The following PLN variants were observed in gnomAD, a reference collection of about 807,000 sequenced individuals.
PLN encodes cardiac phospholamban.
In PLN, 1 loss-of-function variant was observed where a neutral mutation model predicts 3.9. The ratio of observed to expected loss-of-function variants is 0.26; its 90% CI spans 0.09 to 1.23. PLN has a LOEUF of 1.23. PLN is among the 50% of genes most tolerant of loss of function. The pLI is 0.48. For synonymous variants in PLN, 21 were observed against 20.5 expected, an observed-to-expected ratio of 1.02 and a Z score of -0.07; for missense variants, 59 against 62.7, an observed-to-expected ratio of 0.94 and a Z score of 0.20.
At chr6:118,557,258 A>C (rs1252788098) in intron 1 of PLN, among the ~76,000 whole-genome samples, 1 of 152,208 alleles carries the variant, frequency 6.6e-6, no homozygotes, top group Non-Finnish European at 1.5e-5. Context: ...AATTTGTTGT[A>C]TGCATTTCCT....
Position 118,558,626 on chromosome 6 carries a change from T to TACACAC in PLN, c.-97-169_-97-164dup, listed in dbSNP as rs371775061. On this transcript the variant is annotated intron_variant, in intron 1 of 1. Transcript: ENST00000357525. The stretch of plus-strand genomic sequence containing the variant: ...ACAGACACATAGAAACACGTGCACA[T>TACACAC]ACACACACACACACACACACACACA... 0.16 allele frequency among the ~76,000 whole-genome samples: 18,014 copies of TACACAC among 110,868 alleles called. 1,584 individuals are homozygous for TACACAC. Among genetic ancestry groups the TACACAC allele is most frequent in the Non-Finnish European group, 0.23 (12,005 of 52,474 alleles). 72.7% of individuals were successfully genotyped at this position (110,868 alleles called of 152,430 possible). A position where few individuals can be genotyped will look rare whatever the true frequency, so the allele number is the denominator to read the frequency against.
intron 1 of PLN, among the ~76,000 whole-genome samples, 189 bp from the exon 2 acceptor site, chr6:118,558,636 C>CACACAG (rs1779025715): frequency 1.0e-5 from 1 of 96,378 alleles, no homozygotes; most frequent in Non-Finnish European, 2.3e-5. Context: ...TACACACACA[C>CACACAG]ACACACACAC....
At position 118,559,929 on chromosome 6, in the gene PLN, A is replaced by C. The variant is rs1318450154; in HGVS notation, c.*849A>C. 2 of 167,058 alleles carry C rather than the reference A, an allele frequency of 1.2e-5. No homozygotes were observed. Among genetic ancestry groups the C allele is most frequent in the African/African-American group, 4.8e-5 (2 of 41,444 alleles). 10.3% of individuals were successfully genotyped at this position (167,058 alleles called of 1,614,324 possible). A position where few individuals can be genotyped will look rare whatever the true frequency, so the allele number is the denominator to read the frequency against. On this transcript the variant is annotated 3_prime_UTR_variant, in exon 2 of 2. Transcript: ENST00000357525. ...CACTGTAGTGAATTATCTGAGCTAG[A>C]GTTACCTAGCTTACCATACTATATC... is the stretch of plus-strand genomic sequence containing the variant.
chr6:118,560,497 G>A lies in PLN; in HGVS notation c.*1417G>A, dbSNP rs111416751. 0.027 allele frequency: 4,544 copies of A among 166,990 alleles called. 104 individuals carry two copies. Among genetic ancestry groups the A allele is most frequent in the African/African-American group, 0.056 (2,312 of 41,478 alleles). The allele number at this position is 166,990 out of a possible 1,614,324, so 10.3% of individuals were successfully genotyped here. A position where few individuals can be genotyped will look rare whatever the true frequency, so the allele number is the denominator to read the frequency against. On this transcript the variant is annotated 3_prime_UTR_variant, in exon 2 of 2. Coordinates refer to ENST00000357525, the MANE Select transcript of PLN (RefSeq NM_002667.5). ...AGAAAGATGGGGAGGAAGAGAAGGC[G>A]TTGGTCTTGCAGTCTTGTCTTAGGG...
intron 1 of PLN, 100 bp downstream of exon 1, chr6:118,548,492 T>C (rs1379956188): frequency 6.6e-6 from 1 of 152,130 alleles, no homozygotes; most frequent in Non-Finnish European, 1.5e-5. Flanking sequence ...GTTAATTTTA[T>C]GAATATCAGT....
chr6:118,554,822 C>G (rs753886784), intron 1 of PLN, among the ~76,000 whole-genome samples: 1 of 152,116 alleles, frequency 6.6e-6, no homozygotes, highest in Non-Finnish European at 1.5e-5. Flanking sequence ...ACATTCCAGG[C>G]AGAGATAGAA....
chr6:118,549,119 T>G (rs1470169978), intron 1 of PLN, among the ~76,000 whole-genome samples: 2 of 151,954 alleles, frequency 1.3e-5, no homozygotes, highest in Non-Finnish European at 2.9e-5. Context: ...AATCTGACGT[T>G]AGAGAATAAT....
intron 1 of PLN, among the ~76,000 whole-genome samples, chr6:118,551,240 CTG>C (rs1778523994): frequency 6.6e-6 from 1 of 151,654 alleles, no homozygotes; most frequent in Non-Finnish European, 1.5e-5. Flanking sequence ...AAAATGAAGC[CTG>C]GATGTACAGC....
At chr6:118,556,782 T>C (rs1041130989) in intron 1 of PLN, among the ~76,000 whole-genome samples, 1 of 152,220 alleles carries the variant, frequency 6.6e-6, no homozygotes, top group African/African-American at 2.4e-5. Context: ...TTTTTCATTT[T>C]TCTTATTTCA....
intron 1 of PLN, among the ~76,000 whole-genome samples, chr6:118,551,126 C>T (rs115988096): frequency 0.012 from 1,830 of 151,970 alleles, 29 homozygotes; most frequent in African/African-American, 0.042. Flanking sequence ...AATCACATTT[C>T]GATACTTTAT....
Position 118,559,612 on chromosome 6 carries a change from G to GT in PLN, c.*533dup, listed in dbSNP as rs1779107622. The GT allele has an allele frequency of 5.8e-6, 1 of 170,968 alleles. No homozygotes were observed. Among genetic ancestry groups the GT allele is most frequent in the South Asian group, 1.9e-4 (1 of 5,292 alleles). 10.6% of individuals were successfully genotyped at this position (170,968 alleles called of 1,614,324 possible). ...ATCTTATTATAAAGAACTATTTGTA[G>GT]TAACTATCAGAATCTACATTCTAAA... On this transcript the variant is annotated 3_prime_UTR_variant, in exon 2 of 2. Transcript: ENST00000357525.
chr6:118,554,224 G>A (rs955768024), intron 1 of PLN, among the ~76,000 whole-genome samples: 1 of 152,084 alleles, frequency 6.6e-6, no homozygotes, highest in Non-Finnish European at 1.5e-5. Flanking sequence ...GGAAGTTGAG[G>A]TGCAGTGAGC....
chr6:118,555,727 T>C (rs138217124), intron 1 of PLN, among the ~76,000 whole-genome samples: 79 of 152,282 alleles, frequency 5.2e-4, no homozygotes, highest in Non-Finnish European at 9.6e-4. Flanking sequence ...CATGGGGAGC[T>C]TGTTGTATGT....
At chr6:118,556,011 A>T (rs1309855692) in intron 1 of PLN, among the ~76,000 whole-genome samples, 2 of 152,216 alleles carry the variant, frequency 1.3e-5, no homozygotes, top group Non-Finnish European at 1.5e-5. Flanking sequence ...ATAGTATTGC[A>T]TGGTGTATAT....
At position 118,558,873 on chromosome 6, in the gene PLN, T is replaced by A. The variant is rs773520639; in HGVS notation, c.-49T>A. On this transcript the variant is annotated 5_prime_UTR_variant, in exon 2 of 2. Coordinates refer to ENST00000357525, the MANE Select transcript of PLN (RefSeq NM_002667.5). ...CTCATATTTGGCTGCCAGCTTTTTA[T>A]CTTTCTCTCGACCACTTAAAACTTC... The A allele has an allele frequency of 6.7e-7, 1 of 1,490,628 alleles. No individual in the cohort carries two copies. The highest frequency in any genetic ancestry group is 1.1e-5 in the South Asian group (1 of 88,352). The allele number at this position is 1,490,628 out of a possible 1,614,324, so 92.3% of individuals were successfully genotyped here. A position where few individuals can be genotyped will look rare whatever the true frequency, so the allele number is the denominator to read the frequency against.
At chr6:118,558,574 C>A (rs148557744) in intron 1 of PLN, among the ~76,000 whole-genome samples, 1 of 149,938 alleles carries the variant, frequency 6.7e-6, no homozygotes, top group African/African-American at 2.4e-5. Flanking sequence ...TCATGGTGTG[C>A]CCCATCAAAA....
rs879231658 is a variant in PLN, at chr6:118,558,656, C to G, written c.-97-169C>G. ...ACACACACACACACACACACACACACACACAGAGAGAGAGAGAGAGAGAGA... is the reference window on the plus strand; with the variant it reads ...ACACACACACACACACACACACACAGACACAGAGAGAGAGAGAGAGAGAGA... On this transcript the variant is annotated intron_variant, in intron 1 of 1. Transcript: ENST00000357525. 0.12 allele frequency among the ~76,000 whole-genome samples: 15,765 copies of G among 131,888 alleles called. 900 individuals are homozygous for G. The highest frequency in any genetic ancestry group is 0.15 in the Non-Finnish European group (9,398 of 63,130). 86.5% of individuals were successfully genotyped at this position (131,888 alleles called of 152,430 possible).
At position 118,561,438 on chromosome 6, in the gene PLN, T is replaced by C. The variant is rs1049527646; in HGVS notation, c.*2358T>C. 1.3e-5 allele frequency among the ~76,000 whole-genome samples: 2 copies of C among 152,146 alleles called. No individual in the cohort carries two copies. The highest frequency in any genetic ancestry group is 2.4e-5 in the African/African-American group (1 of 41,462). ...ATTCTGTGAGGATTACAGAATACTA[T>C]AACTCAAATTATAAAGTAGAATAAA... On this transcript the variant is annotated 3_prime_UTR_variant, in exon 2 of 2. Coordinates refer to ENST00000357525, the MANE Select transcript of PLN (RefSeq NM_002667.5).
chr6:118,559,136 T>C lies in PLN; in HGVS notation c.*56T>C, dbSNP rs1779081734. On this transcript the variant is annotated 3_prime_UTR_variant, in exon 2 of 2. Transcript: ENST00000357525. ...TGCCACATCAGCTTAAAATCTGTCA[T>C]CCCATGCAGACAGGAAAACAATATT... 1 of 1,290,222 alleles carries C rather than the reference T, an allele frequency of 7.8e-7. No individual in the cohort carries two copies. Among genetic ancestry groups the C allele is most frequent in the South Asian group, 1.2e-5 (1 of 84,568 alleles). 79.9% of individuals were successfully genotyped at this position (1,290,222 alleles called of 1,614,324 possible). A position where few individuals can be genotyped will look rare whatever the true frequency, so the allele number is the denominator to read the frequency against.
Sources: allele counts gnomAD v4.1 joint callset (sites outside exome capture counted in the v4.1 genomes callset), GRCh38; gene constraint gnomAD v4.1.1; transcripts MANE v1.5; gene names NCBI Gene and HGNC (gene_info 2026-07-23, HGNC 2026-07-21).